The following RPS6KA5 variants were observed in gnomAD, a reference collection of about 807,000 sequenced individuals.
RPS6KA5 encodes the protein ribosomal protein S6 kinase alpha-5.
RPS6KA5 carries 27 observed loss-of-function variants against 85.5 expected under a neutral mutation model. The observed-to-expected ratio is 0.32, with a 90% CI of 0.23 to 0.44. The LOEUF is 0.44. Among genes scored for constraint, RPS6KA5 ranks in the 20% least tolerant of loss-of-function variants. RPS6KA5 has a pLI of 1.00. For synonymous variants in RPS6KA5, 334 were observed against 348.2 expected, an observed-to-expected ratio of 0.96 and a Z score of 0.46; for missense variants, 811 against 980.9, an observed-to-expected ratio of 0.83 and a Z score of 2.31.
At chr14:90,989,473 G>A (rs1379683813) in intron 2 of RPS6KA5, among the ~76,000 whole-genome samples, 1 of 152,068 alleles carries the variant, frequency 6.6e-6, no homozygotes, top group African/African-American at 2.4e-5. Flanking sequence ...GCTCTTCAAA[G>A]TACATGACCA....
At position 90,927,325 on chromosome 14, in the gene RPS6KA5, G is replaced by C. The variant is rs1003433337; in HGVS notation, c.619-4129C>G. 4.0e-5 allele frequency among the ~76,000 whole-genome samples: 6 copies of C among 151,894 alleles called. No individual in the cohort carries two copies. The East Asian group carries it at 9.6e-4, about 24-fold the overall frequency. Reference sequence around the variant, plus strand: ...GAAAAAGGGAAAACAGAAGCAAAGAGAAACACAAAGCAAGATAAGAGAAAT... The same window carrying C: ...GAAAAAGGGAAAACAGAAGCAAAGACAAACACAAAGCAAGATAAGAGAAAT... On this transcript the variant is annotated intron_variant, in intron 5 of 16. Coordinates refer to ENST00000614987, the MANE Select transcript of RPS6KA5 (RefSeq NM_004755.4).
At chr14:91,012,146 G>T (rs1331086571) in intron 1 of RPS6KA5, among the ~76,000 whole-genome samples, 1 of 152,014 alleles carries the variant, frequency 6.6e-6, no homozygotes, top group African/African-American at 2.4e-5. Context: ...GGGAAACAAA[G>T]CCTAATATGT....
chr14:90,963,010 T>C (rs929377991), intron 3 of RPS6KA5, among the ~76,000 whole-genome samples: 2 of 152,184 alleles, frequency 1.3e-5, no homozygotes, highest in African/African-American at 4.8e-5. Context: ...CTATTCAAAT[T>C]TGGCCATTTA....
At chr14:90,995,274 C>T (rs1010615949) in intron 2 of RPS6KA5, among the ~76,000 whole-genome samples, 3 of 152,130 alleles carry the variant, frequency 2.0e-5, no homozygotes, top group African/African-American at 7.2e-5. Flanking sequence ...CACGAGCCAC[C>T]GTGCCTGGCC....
chr14:90,886,101 T>C (rs1595126371), intron 14 of RPS6KA5, among the ~76,000 whole-genome samples: 1 of 152,072 alleles, frequency 6.6e-6, no homozygotes, highest in Admixed American at 6.5e-5. Flanking sequence ...TGTCTGCATA[T>C]ATGTATTATA....
intron 5 of RPS6KA5, among the ~76,000 whole-genome samples, chr14:90,939,572 G>A (rs973204733): frequency 1.3e-5 from 2 of 152,238 alleles, no homozygotes; most frequent in Admixed American, 1.3e-4. Flanking sequence ...CACAATCATG[G>A]TGGAAGGCAA....
intron 1 of RPS6KA5, among the ~76,000 whole-genome samples, chr14:91,051,538 G>A (rs1317003786): frequency 6.6e-6 from 1 of 151,974 alleles, no homozygotes; most frequent in South Asian, 2.1e-4. Flanking sequence ...GCCCAGGCTG[G>A]AATGCAATGG....
At chr14:91,047,313 G>C (rs2042915459) in intron 1 of RPS6KA5, among the ~76,000 whole-genome samples, 1 of 152,064 alleles carries the variant, frequency 6.6e-6, no homozygotes. Context: ...AGTGGTGTAG[G>C]CCTGAGATTT....
At chr14:90,981,362 G>A (rs550809962) in intron 2 of RPS6KA5, among the ~76,000 whole-genome samples, 3 of 152,058 alleles carry the variant, frequency 2.0e-5, no homozygotes, top group South Asian at 4.2e-4. Flanking sequence ...AGATGACTCC[G>A]AGACCTCTCA....
intron 1 of RPS6KA5, among the ~76,000 whole-genome samples, chr14:91,037,433 A>G (rs555308455): frequency 1.3e-5 from 2 of 152,274 alleles, no homozygotes; most frequent in African/African-American, 4.8e-5. Context: ...CCAAAATCCT[A>G]TCATTGCTAT....
chr14:91,053,657 T>C (rs1163382216), intron 1 of RPS6KA5, among the ~76,000 whole-genome samples: 1 of 152,246 alleles, frequency 6.6e-6, no homozygotes, highest in African/African-American at 2.4e-5. Context: ...TGCAAATTTA[T>C]ACTCCTTAAA....
chr14:91,023,210 T>C (rs763293834), intron 1 of RPS6KA5, among the ~76,000 whole-genome samples: 2 of 152,062 alleles, frequency 1.3e-5, no homozygotes, highest in Non-Finnish European at 2.9e-5. Context: ...TCAATCTGTT[T>C]GGATGAAATT....
intron 2 of RPS6KA5, among the ~76,000 whole-genome samples, chr14:90,995,822 G>A (rs1419387287): frequency 3.3e-5 from 5 of 152,138 alleles, no homozygotes; most frequent in African/African-American, 4.8e-5. Flanking sequence ...ACTCATGCCT[G>A]TAATCCCAGC....
chr14:90,950,958 TAA>T (rs1278180976), intron 3 of RPS6KA5, among the ~76,000 whole-genome samples: 1 of 151,206 alleles, frequency 6.6e-6, no homozygotes, highest in Non-Finnish European at 1.5e-5. Context: ...CTGTCTCTAC[TAA>T]AAATACAAAA....
rs1360327189 is a variant in RPS6KA5, at chr14:90,869,189, A to T, written c.*2885T>A. ...CTCCCATGAGCCACCATGCTCAGCT[A>T]ATTTTTATTTTTATTTTTGGAGAGA... On this transcript the variant is annotated 3_prime_UTR_variant, in exon 17 of 17. Transcript: ENST00000614987. The T allele has an allele frequency of 1.3e-5, 2 of 152,022 alleles. No homozygotes were observed. The highest frequency in any genetic ancestry group is 2.4e-5 in the African/African-American group (1 of 41,362). 9.4% of individuals were successfully genotyped at this position (152,022 alleles called of 1,614,324 possible). A position where few individuals can be genotyped will look rare whatever the true frequency, so the allele number is the denominator to read the frequency against.
intron 14 of RPS6KA5, among the ~76,000 whole-genome samples, chr14:90,884,423 T>C (rs1357398846): frequency 1.3e-5 from 2 of 152,228 alleles, no homozygotes; most frequent in African/African-American, 2.4e-5. Context: ...TCAACCAGTA[T>C]GTATTCTGCA....
Position 90,900,215 on chromosome 14 carries a change from G to T in RPS6KA5, c.1272C>A (p.Asp424Glu). Residue 424 changes from aspartate (D) to glutamate (E), a missense_variant, in exon 11 of 17, where the codon GAC (aspartate) becomes GAA (glutamate). Physicochemically the swap from Asp to Glu is conservative, Grantham distance 45. Around this residue, in one of 3 missense-constraint regions of RPS6KA5, gnomAD observed 650 missense variants for 793.4 expected, o/e 0.82. Coordinates refer to ENST00000614987, the MANE Select transcript of RPS6KA5 (RefSeq NM_004755.4). Reference sequence around the variant, plus strand: ...CCAGGGGTTTGTCCTTCAAATCTAGGTCATAGTGTTGATAGAATGGAGAGT... The same window carrying T: ...CCAGGGGTTTGTCCTTCAAATCTAGTTCATAGTGTTGATAGAATGGAGAGT... ...MKDSPFYQHY[D>E]LDLKDKPLGE... The T allele has an allele frequency of 6.3e-7, 1 of 1,598,932 alleles. No individual in the cohort carries two copies.
In RPS6KA5 at chr14:90,868,438, A is replaced by T. The variant is rs2032898673; in HGVS notation, c.*3636T>A. 6.6e-6 allele frequency: 1 copy of T among 152,224 alleles called. No individual in the cohort carries two copies. Among genetic ancestry groups the T allele is most frequent in the African/African-American group, 2.4e-5 (1 of 41,468 alleles). The allele number at this position is 152,224 out of a possible 1,614,324, so 9.4% of individuals were successfully genotyped here. A position where few individuals can be genotyped will look rare whatever the true frequency, so the allele number is the denominator to read the frequency against. ...GCCAAAAGTCATATAATTTTAAGAT[A>T]CTTCATGATGTTACAGTAATAATTC... is the stretch of plus-strand genomic sequence containing the variant. On this transcript the variant is annotated 3_prime_UTR_variant, in exon 17 of 17. Transcript: ENST00000614987.
At chr14:90,908,698 CTA>C (rs1566726263) in intron 7 of RPS6KA5, among the ~76,000 whole-genome samples, 1 of 152,178 alleles carries the variant, frequency 6.6e-6, no homozygotes, top group Admixed American at 6.5e-5. Context: ...CCAGATGTAA[CTA>C]TTTCTTATAC....
Sources: gnomAD v4.1 joint callset for allele counts (sites outside exome capture counted in the v4.1 genomes callset) on GRCh38, gnomAD v4.1.1 for gene constraint, gnomAD v4.1.1 regional missense constraint, MANE v1.5 for transcripts, NCBI Gene and HGNC (gene_info 2026-07-23, HGNC 2026-07-21) for gene names.